HEPH: variants seen among roughly 807,000 people sequenced by gnomAD.
HEPH encodes hephaestin.
In HEPH, 69 loss-of-function variants were observed where a neutral mutation model predicts 80.8. The observed-to-expected ratio is 0.85, with a 90% confidence interval of 0.70 to 1.04. HEPH has a LOEUF of 1.04. HEPH is among the 50% of genes least tolerant of loss of function. The probability of loss-of-function intolerance (pLI) is 0.00; values close to 1 mark genes in which losing one functional copy is unlikely to be tolerated. For synonymous variants in HEPH, 431 were observed against 322.8 expected (o/e 1.34, Z -3.60); for missense variants, 1,115 against 891.3 (o/e 1.25, Z -3.20).
chrX:66,187,315 G>T, intron 4 of HEPH, among the ~76,000 whole-genome samples: 1 of 110,350 alleles, frequency 9.1e-6, no homozygotes, highest in East Asian at 2.8e-4. Flanking sequence ...ATTTTTTTGG[G>T]GTGTTAAAGA....
At chrX:66,179,053 T>G (rs1251896251) in intron 4 of HEPH, among the ~76,000 whole-genome samples, 2 of 111,695 alleles carry the variant, frequency 1.8e-5, no homozygotes, top group African/African-American at 6.5e-5. Context: ...TGCCTAGGTT[T>G]TCTTCTAGGG....
At chrX:66,232,353 G>A (rs1050893953) in intron 15 of HEPH, among the ~76,000 whole-genome samples, 5 of 111,536 alleles carry the variant, frequency 4.5e-5, no homozygotes, top group African/African-American at 1.3e-4. Flanking sequence ...TTTACTCTAA[G>A]TGTTGTTACA....
rs754997281 is a variant in HEPH at position 66,200,820 on chromosome X, G to A, written c.2077+68G>A. On this transcript the variant is annotated intron_variant, in intron 12 of 20. Transcript: ENST00000343002. Reference sequence around the variant, plus strand: ...AGGGCCAGGAATGGGGTCGGGAAGAGGGAGGGATGGTGAAGAGAAAATAAT... The same window carrying A: ...AGGGCCAGGAATGGGGTCGGGAAGAAGGAGGGATGGTGAAGAGAAAATAAT... The A allele has an allele frequency of 1.2e-5, 10 of 868,691 alleles. No homozygotes were observed. The South Asian group carries it at 2.1e-4, about 18-fold the overall frequency. The allele number at this position is 868,691 out of a possible 1,213,427, so 71.6% of individuals were successfully genotyped here.
intron 10 of HEPH, among the ~76,000 whole-genome samples, chrX:66,198,574 A>C (rs2088242747): frequency 9.2e-6 from 1 of 109,102 alleles, no homozygotes; most frequent in African/African-American, 3.4e-5. Context: ...TCCTCTCCCC[A>C]GGTGATTACC....
At position 66,195,093 on chromosome X, in the gene HEPH, T is replaced by C. The variant is rs371867813; in HGVS notation, c.1370-5T>C. 26 of 1,177,928 alleles carry C rather than the reference T, an allele frequency of 2.2e-5. No individual in the cohort carries two copies. The East Asian group carries it at 7.5e-4, about 34-fold the overall frequency. On this transcript the variant is annotated splice_region_variant and splice_polypyrimidine_tract_variant and intron_variant, in intron 8 of 20. Transcript: ENST00000343002. ...TTCTCATTGTCTCTCCTTCCCATTT[T>C]CCAGGGCCAGTGATCCGGGCTGAGG...
Position 66,189,874 on chromosome X carries a change from T to G in HEPH, c.999T>G (p.Ala333=). ...TCTTTCCAGCCACCTTTGTGACTGCTGAGATGGTGCCCTGGGAACCTGGTA... is the reference window on the plus strand; with the variant it reads ...TCTTTCCAGCCACCTTTGTGACTGCGGAGATGGTGCCCTGGGAACCTGGTA... ...ANIFPATFVT[A]EMVPWEPGTW... The change falls in exon 6 of 21, where the codon GCT becomes GCG. Residue 333 remains alanine, a synonymous_variant. Coordinates refer to ENST00000343002, the MANE Select transcript of HEPH (RefSeq NM_001367233.3). 8.3e-7 allele frequency: 1 copy of G among 1,201,998 alleles called. No individual in the cohort carries two copies. The highest frequency in any genetic ancestry group is 1.7e-5 in the African/African-American group (1 of 57,417).
intron 12 of HEPH, among the ~76,000 whole-genome samples, chrX:66,202,865 A>G (rs1412352181): frequency 9.5e-6 from 1 of 105,013 alleles, no homozygotes; most frequent in Non-Finnish European, 1.9e-5. Flanking sequence ...TGATGAGGGA[A>G]CTGAAAAACA....
Position 66,170,269 on chromosome X carries a change from A to C in HEPH, c.-13-289A>C, listed in dbSNP as rs1257300394. ...TTTCCTGATTCTTGGGACAGAGCAC[A>C]TTCTTCCTGCTACACCATTGAAAAA... On this transcript the variant is annotated intron_variant, in intron 1 of 20. Coordinates refer to ENST00000343002, the MANE Select transcript of HEPH (RefSeq NM_001367233.3). The C allele has an allele frequency of 1.9e-5, 4 of 212,506 alleles. No homozygotes were observed. The Admixed American group carries it at 2.5e-4, about 13-fold the overall frequency. 17.5% of individuals were successfully genotyped at this position (212,506 alleles called of 1,213,427 possible).
chrX:66,240,057 A>T (rs953188725), intron 15 of HEPH, among the ~76,000 whole-genome samples: 1 of 112,341 alleles, frequency 8.9e-6, no homozygotes, highest in South Asian at 3.7e-4. Context: ...AATGCCTGAA[A>T]GGGAAGTAAA....
At chrX:66,178,233 T>G (rs1191191445) in intron 4 of HEPH, among the ~76,000 whole-genome samples, 7 of 111,815 alleles carry the variant, frequency 6.3e-5, no homozygotes, top group Non-Finnish European at 1.1e-4. Flanking sequence ...CTAAGAATGA[T>G]GGTTTCCAGC....
At chrX:66,200,830 G>A (rs1249406024) in intron 12 of HEPH, 78 bp downstream of exon 12, 4 of 805,653 alleles carry the variant, frequency 5.0e-6, no homozygotes, top group Non-Finnish European at 5.4e-6. Flanking sequence ...GGGAGGGATG[G>A]TGAAGAGAAA....
chrX:66,189,275 C>T (rs1163408871), intron 5 of HEPH, among the ~76,000 whole-genome samples: 1 of 112,264 alleles, frequency 8.9e-6, no homozygotes, highest in Non-Finnish European at 1.9e-5. Context: ...ATTATAAAAG[C>T]CATGTTAATT....
At chrX:66,195,350 T>C in intron 9 of HEPH, 121 bp downstream of exon 9, 2 of 510,251 alleles carry the variant, frequency 3.9e-6, no homozygotes, top group South Asian at 1.1e-4. Flanking sequence ...ATGTGGATGT[T>C]GTTGAATGAA....
chrX:66,180,998 T>A (rs2087119240), intron 4 of HEPH, among the ~76,000 whole-genome samples: 1 of 97,625 alleles, frequency 1.0e-5, no homozygotes, highest in Admixed American at 1.1e-4. Context: ...GGTTTCCAGT[T>A]TCATCCATGT....
chrX:66,224,987 C>A (rs1442769980), intron 15 of HEPH, among the ~76,000 whole-genome samples: 1 of 109,826 alleles, frequency 9.1e-6, no homozygotes, highest in African/African-American at 3.3e-5. Context: ...TGCTGCTGCT[C>A]TCTCAACCAC....
At chrX:66,218,066 C>G (rs1208432588) in intron 15 of HEPH, among the ~76,000 whole-genome samples, 2 of 111,429 alleles carry the variant, frequency 1.8e-5, no homozygotes, top group African/African-American at 6.5e-5. Flanking sequence ...ATGAGGCAGA[C>G]AGCAACAGAA....
At chrX:66,190,887 G>A (rs957971577) in intron 6 of HEPH, among the ~76,000 whole-genome samples, 11 of 111,589 alleles carry the variant, frequency 9.9e-5, no homozygotes, top group Non-Finnish European at 1.3e-4. Flanking sequence ...GATTAGAGAT[G>A]CAGCATGATA....
At chrX:66,255,404 AAC>A (rs2091145108) in intron 16 of HEPH, among the ~76,000 whole-genome samples, 1 of 107,539 alleles carries the variant, frequency 9.3e-6, no homozygotes, top group Non-Finnish European at 1.9e-5. Context: ...AAAAAAAACA[AAC>A]ACACAAACAA....
Position 66,223,516 on chromosome X carries a change from C to T in HEPH, c.2563+15270C>T, listed in dbSNP as rs769895243. ...TACGTATTTATTCAGTTTTTAATGT[C>T]GGACCATAAGGTAAGATTTTTATAG... On this transcript the variant is annotated intron_variant, in intron 15 of 20. Transcript: ENST00000343002. Among the ~76,000 whole-genome samples the T allele has an allele frequency of 6.3e-4, 70 of 111,346 alleles. 1 individual carries two copies. The highest frequency in any genetic ancestry group is 4.3e-4 in the Non-Finnish European group (23 of 53,007).
Sources: gnomAD v4.1 joint callset for allele counts (sites outside exome capture counted in the v4.1 genomes callset) on GRCh38, gnomAD v4.1.1 for gene constraint, MANE v1.5 for transcripts, NCBI Gene and HGNC (gene_info 2026-07-23, HGNC 2026-07-21) for gene names.